The following ATXN1 variants were observed in gnomAD, a reference collection of about 807,000 sequenced individuals.
ATXN1 encodes ataxin-1.
Under a neutral mutation model 56.4 loss-of-function variants are expected in ATXN1, and 8 were observed. The ratio of observed to expected loss-of-function variants is 0.14; its 90% CI spans 0.08 to 0.26. The LOEUF is 0.26. Among genes scored for constraint, ATXN1 ranks in the 10% least tolerant of loss-of-function variants. The pLI, the probability that ATXN1 is intolerant of heterozygous loss-of-function variation, is 1.00. For synonymous variants in ATXN1, 514 were observed against 494.6 expected, an observed-to-expected ratio of 1.04 and a Z score of -0.52; for missense variants, 987 against 1,106.5, an observed-to-expected ratio of 0.89 and a Z score of 1.53.
At chr6:16,488,414 C>T (rs886278038) in intron 5 of ATXN1, among the ~76,000 whole-genome samples, 2 of 152,216 alleles carry the variant, frequency 1.3e-5, no homozygotes, top group African/African-American at 4.8e-5. Context: ...TGGACTTAAA[C>T]AGCTTTTATG....
intron 6 of ATXN1, among the ~76,000 whole-genome samples, chr6:16,482,857 G>A (rs1760466285): frequency 6.6e-6 from 1 of 152,144 alleles, no homozygotes; most frequent in East Asian, 1.9e-4. Flanking sequence ...ATGAGGTAGT[G>A]CCAAATCATT....
intron 3 of ATXN1, among the ~76,000 whole-genome samples, chr6:16,610,352 A>T (rs1763081920): frequency 6.6e-6 from 1 of 151,904 alleles, no homozygotes; most frequent in Admixed American, 6.5e-5. Flanking sequence ...TAATAAATTA[A>T]AGAAAACTTC....
chr6:16,361,886 T>C (rs1761815033), intron 6 of ATXN1, among the ~76,000 whole-genome samples: 1 of 152,244 alleles, frequency 6.6e-6, no homozygotes, highest in Admixed American at 6.5e-5. Flanking sequence ...TCTCTGAAAA[T>C]GCTTCACCTT....
intron 6 of ATXN1, among the ~76,000 whole-genome samples, chr6:16,341,267 C>T (rs368601813): frequency 2.6e-5 from 4 of 152,308 alleles, no homozygotes; most frequent in Admixed American, 2.6e-4. Context: ...GTGGCAGCAG[C>T]TCTGGCTGAG....
chr6:16,689,521 CTT>C (rs11374047), intron 2 of ATXN1, among the ~76,000 whole-genome samples: 1 of 105,204 alleles, frequency 9.5e-6, no homozygotes, highest in Non-Finnish European at 1.9e-5. Context: ...TTTTTTTTTT[CTT>C]TTTTTTTTTT....
At chr6:16,364,399 G>A (rs1414968803) in intron 6 of ATXN1, among the ~76,000 whole-genome samples, 2 of 151,918 alleles carry the variant, frequency 1.3e-5, no homozygotes, top group Non-Finnish European at 2.9e-5. Context: ...CCGCCTCCAC[G>A]TTCACACCAT....
At chr6:16,485,174 A>G (rs1760520234) in intron 6 of ATXN1, 1 of 152,062 alleles carries the variant, frequency 6.6e-6, no homozygotes, top group Non-Finnish European at 1.5e-5. Flanking sequence ...TCATGTAGCT[A>G]TTTTCTTTCC....
intron 2 of ATXN1, among the ~76,000 whole-genome samples, chr6:16,706,777 T>G (rs2113447770): frequency 6.6e-6 from 1 of 151,414 alleles, no homozygotes; most frequent in African/African-American, 2.4e-5. Flanking sequence ...GGTTAAGTGC[T>G]TTATTCAGGG....
At chr6:16,335,772 A>G (rs906849148) in intron 6 of ATXN1, among the ~76,000 whole-genome samples, 3 of 152,306 alleles carry the variant, frequency 2.0e-5, no homozygotes, top group Middle Eastern at 3.4e-3. Context: ...AAAGGCAGAG[A>G]AAGATGTGAG....
chr6:16,693,704 G>A (rs1378558718), intron 2 of ATXN1, among the ~76,000 whole-genome samples: 1 of 152,092 alleles, frequency 6.6e-6, no homozygotes, highest in Non-Finnish European at 1.5e-5. Flanking sequence ...CCAAGACTCT[G>A]AAGTACCTTC....
At chr6:16,471,841 G>C (rs899073550) in intron 6 of ATXN1, among the ~76,000 whole-genome samples, 1 of 152,216 alleles carries the variant, frequency 6.6e-6, no homozygotes, top group South Asian at 2.1e-4. Context: ...TACCTAACAG[G>C]CCTTAACTTC....
chr6:16,381,087 C>T (rs976251637), intron 6 of ATXN1, among the ~76,000 whole-genome samples: 6 of 152,050 alleles, frequency 3.9e-5, no homozygotes, highest in Admixed American at 1.3e-4. Flanking sequence ...GTCAGGAGTT[C>T]GAGACCAGTC....
intron 6 of ATXN1, among the ~76,000 whole-genome samples, chr6:16,345,070 G>T (rs572675684): frequency 1.3e-5 from 2 of 152,184 alleles, no homozygotes; most frequent in African/African-American, 4.8e-5. Flanking sequence ...CTTGCAGTTT[G>T]TCTTCCTTAC....
At chr6:16,574,038 T>C (rs918380698) in intron 4 of ATXN1, among the ~76,000 whole-genome samples, 3 of 152,208 alleles carry the variant, frequency 2.0e-5, no homozygotes, top group African/African-American at 7.2e-5. Context: ...TTGTTTTGTT[T>C]TGTTTTTTGA....
intron 2 of ATXN1, among the ~76,000 whole-genome samples, chr6:16,725,204 G>A (rs887766306): frequency 1.3e-5 from 2 of 152,194 alleles, no homozygotes; most frequent in Non-Finnish European, 2.9e-5. Flanking sequence ...TGTAATGTTG[G>A]ACACTGGACT....
intron 6 of ATXN1, among the ~76,000 whole-genome samples, chr6:16,433,490 C>A (rs1581758824): frequency 6.6e-6 from 1 of 152,154 alleles, no homozygotes; most frequent in East Asian, 1.9e-4. Flanking sequence ...CAGCAACCTG[C>A]CCCTACAAGC....
Position 16,518,549 on chromosome 6 carries a change from G to A in ATXN1, c.-299+4078C>T, listed in dbSNP as rs368651778. 6.6e-4 allele frequency among the ~76,000 whole-genome samples: 101 copies of A among 152,140 alleles called. 3 individuals are homozygous for A. The South Asian group carries it at 0.02, about 30-fold the overall frequency. On this transcript the variant is annotated intron_variant, in intron 5 of 7. Coordinates refer to ENST00000436367, the MANE Select transcript of ATXN1 (RefSeq NM_001128164.2). ...GTCACATAGTTGCATTCTGGCCCCC[G>A]TCTGCCTCAATACTCTTGTCTTATT...
chr6:16,587,258 C>A (rs1762641764), intron 3 of ATXN1, among the ~76,000 whole-genome samples: 1 of 152,132 alleles, frequency 6.6e-6, no homozygotes, highest in South Asian at 2.1e-4. Flanking sequence ...AACCTAAAAT[C>A]CACGTCCTGC....
At chr6:16,452,825 C>T (rs1245091263) in intron 6 of ATXN1, among the ~76,000 whole-genome samples, 1 of 152,144 alleles carries the variant, frequency 6.6e-6, no homozygotes, top group Non-Finnish European at 1.5e-5. Context: ...ATGTTACAGA[C>T]AATTAATTCA....
Sources: gnomAD v4.1 joint callset for allele counts (sites outside exome capture counted in the v4.1 genomes callset) on GRCh38, gnomAD v4.1.1 for gene constraint, MANE v1.5 for transcripts, NCBI Gene and HGNC (gene_info 2026-07-23, HGNC 2026-07-21) for gene names.